ATP2B1: variants seen among roughly 807,000 people sequenced by gnomAD.
ATP2B1 encodes plasma membrane calcium-transporting ATPase 1.
A neutral mutation model predicts 124.2 loss-of-function variants in ATP2B1; 14 were observed. The ratio of observed to expected loss-of-function variants is 0.11; its 90% CI spans 0.07 to 0.18. The LOEUF (loss-of-function observed/expected upper bound fraction) is 0.18, where lower values mean the gene tolerates loss of function less well. Ranked by LOEUF, ATP2B1 falls within the 10% of genes least tolerant of loss-of-function variation. The pLI, the probability that ATP2B1 is intolerant of heterozygous loss-of-function variation, is 1.00. For synonymous variants in ATP2B1, 449 were observed against 492.4 expected (o/e 0.91, Z 1.17); for missense variants, 763 against 1,466.1 (o/e 0.52, Z 7.83).
rs1471591779 is a variant in ATP2B1, at chr12:89,624,318, T to C, written c.1209A>G (p.Pro403=). ...VIDTFWVQKR[P]WLAECTPIYI... is the part of the protein sequence containing the mutation. ...AAATTGGTGTGCACTCAGCAAGCCA[T>C]GGTCTTTTCTGAACCCAGAAGGTGT... The change falls in exon 9 of 21, where the codon CCA becomes CCG. Residue 403 remains proline (P), a synonymous_variant. Transcript: ENST00000428670. 1 of 1,614,066 alleles carries C rather than the reference T, an allele frequency of 6.2e-7. No individual in the cohort carries two copies.
At chr12:89,638,987 T>A (rs1052315326) in intron 3 of ATP2B1, among the ~76,000 whole-genome samples, 6 of 152,168 alleles carry the variant, frequency 3.9e-5, no homozygotes, top group African/African-American at 1.2e-4. Flanking sequence ...GACCAAAAAG[T>A]TTGAGAACTC....
At chr12:89,679,414 T>C (rs1434063744) in intron 1 of ATP2B1, among the ~76,000 whole-genome samples, 1 of 152,146 alleles carries the variant, frequency 6.6e-6, no homozygotes, top group Non-Finnish European at 1.5e-5. Flanking sequence ...CTTCATACCG[T>C]TGGAATCAGT....
intron 3 of ATP2B1, among the ~76,000 whole-genome samples, chr12:89,636,147 GA>G (rs932134444): frequency 2.8e-5 from 4 of 142,686 alleles, no homozygotes; most frequent in African/African-American, 5.2e-5. Context: ...AGCCATCTAA[GA>G]AAAAAAAAAT....
chr12:89,637,518 C>G (rs1015623060), intron 3 of ATP2B1, among the ~76,000 whole-genome samples: 2 of 151,928 alleles, frequency 1.3e-5, no homozygotes, highest in African/African-American at 2.4e-5. Context: ...CTACCTCAGC[C>G]TCCCAAGTAG....
intron 10 of ATP2B1, among the ~76,000 whole-genome samples, chr12:89,621,036 A>T (rs1879875758): frequency 6.6e-6 from 1 of 152,184 alleles, no homozygotes. Context: ...TTGTAAGTTG[A>T]AAATTTTTTA....
In ATP2B1 at chr12:89,603,199, A is replaced by G; in HGVS notation, c.2904T>C (p.Pro968=). Residue 968 remains proline, a synonymous_variant, in exon 18 of 21, where the codon CCT becomes CCC. Coordinates refer to ENST00000428670, the MANE Select transcript of ATP2B1 (RefSeq NM_001366521.1). This position sits in a 1 kb window ranked among gnomAD's most constrained non-coding sequence, Gnocchi z 4.3. ...SGRNAPLHAP[P]SEHYTIVFNT... ...TAAAAACAATAGTATAATGTTCTGAAGGAGGAGCATGCAAAGGAGCATTTC... is the reference window on the plus strand; with the variant it reads ...TAAAAACAATAGTATAATGTTCTGAGGGAGGAGCATGCAAAGGAGCATTTC... 1 of 1,613,300 alleles carries G rather than the reference A, an allele frequency of 6.2e-7. No homozygotes were observed. Among genetic ancestry groups the G allele is most frequent in the South Asian group, 1.1e-5 (1 of 91,010 alleles).
intron 18 of ATP2B1, among the ~76,000 whole-genome samples, chr12:89,601,685 A>G (rs1875878138): frequency 6.6e-6 from 1 of 152,172 alleles, no homozygotes; most frequent in South Asian, 2.1e-4. Flanking sequence ...TTTTTGATGC[A>G]TGCGTATTTC....
intron 1 of ATP2B1, among the ~76,000 whole-genome samples, chr12:89,692,515 G>C (rs1456906034): frequency 1.3e-5 from 2 of 152,106 alleles, no homozygotes; most frequent in Non-Finnish European, 1.5e-5. Context: ...CCCTGAACTG[G>C]AATCAGCAGA....
chr12:89,664,517 C>T (rs1887066847), intron 1 of ATP2B1, among the ~76,000 whole-genome samples: 1 of 152,178 alleles, frequency 6.6e-6, no homozygotes, highest in Non-Finnish European at 1.5e-5. Context: ...AAACCAAAAA[C>T]AATCCCTCTG....
At chr12:89,598,039 C>CAAAAAAAAAAAA (rs10661138) in intron 20 of ATP2B1, among the ~76,000 whole-genome samples, 28 of 60,516 alleles carry the variant, frequency 4.6e-4, no homozygotes, top group African/African-American at 1.1e-3. Flanking sequence ...CACAACCAAG[C>CAAAAAAAAAAAA]AAAAAAAAAA....
chr12:89,664,727 C>T (rs1161244608), intron 1 of ATP2B1, among the ~76,000 whole-genome samples: 3 of 152,192 alleles, frequency 2.0e-5, no homozygotes, highest in East Asian at 1.9e-4. Context: ...TCTGGAGAGC[C>T]ACTACTGACA....
At chr12:89,658,598 GGAGAGAGA>G (rs67298800) in intron 1 of ATP2B1, among the ~76,000 whole-genome samples, 1,061 of 69,584 alleles carry the variant, frequency 0.015, 4 homozygotes, top group African/African-American at 0.038. Flanking sequence ...AATTCAAACA[GGAGAGAGA>G]GAGAGAGAGA....
chr12:89,611,295 A>G lies in ATP2B1; in HGVS notation c.2145T>C (p.Ala715=). The G allele has an allele frequency of 6.2e-7, 1 of 1,611,494 alleles. No homozygotes were observed. The highest frequency in any genetic ancestry group is 8.5e-7 in the Non-Finnish European group (1 of 1,178,848). ...RMVTGDNINT[A]RAIATKCGIL... ...TACCACATTTGGTAGCAATGGCCCG[A>G]GCAGTATTAATATTATCACCAGTGA... Residue 715 remains alanine, a synonymous_variant, in exon 13 of 21, where the codon GCT becomes GCC. Coordinates refer to ENST00000428670, the MANE Select transcript of ATP2B1 (RefSeq NM_001366521.1).
chr12:89,668,743 C>G (rs1887587272), intron 1 of ATP2B1, among the ~76,000 whole-genome samples: 1 of 152,162 alleles, frequency 6.6e-6, no homozygotes, highest in African/African-American at 2.4e-5. Flanking sequence ...AGAGGAGGTA[C>G]TGATACTGAC....
Position 89,638,137 on chromosome 12 carries a change from C to T in ATP2B1, c.407-2886G>A, listed in dbSNP as rs1490947743. Among the ~76,000 whole-genome samples, 8 of 152,168 alleles carry T rather than the reference C, an allele frequency of 5.3e-5. 1 individual carries two copies. Among genetic ancestry groups the T allele is most frequent in the African/African-American group, 1.7e-4 (7 of 41,534 alleles). On this transcript the variant is annotated intron_variant, in intron 3 of 20. Transcript: ENST00000428670. ...AAAGTTACAAAATGACTACAGCTTACAGTTATATATATGTATAAATATATA... is the reference window on the plus strand; with the variant it reads ...AAAGTTACAAAATGACTACAGCTTATAGTTATATATATGTATAAATATATA...
At position 89,588,145 on chromosome 12, in the gene ATP2B1, G is replaced by A. The variant is rs979950088; in HGVS notation, c.*2839C>T. ...AAAAGGCTCAGTGGCTAAAATAGAT[G>A]GTAAGCATCATTGAAAGAAATCAAC... On this transcript the variant is annotated 3_prime_UTR_variant, in exon 21 of 21. Transcript: ENST00000428670. The A allele has an allele frequency of 6.6e-6, 1 of 152,548 alleles. No homozygotes were observed. The highest frequency in any genetic ancestry group is 1.5e-5 in the Non-Finnish European group (1 of 68,000). The allele number at this position is 152,548 out of a possible 1,614,324, so 9.4% of individuals were successfully genotyped here.
intron 1 of ATP2B1, among the ~76,000 whole-genome samples, chr12:89,672,327 G>C (rs900624095): frequency 6.6e-6 from 1 of 151,936 alleles, no homozygotes; most frequent in Non-Finnish European, 1.5e-5. Flanking sequence ...AGTGGCGGGT[G>C]CCTGTAATCC....
At chr12:89,689,723 T>C (rs950435465) in intron 1 of ATP2B1, among the ~76,000 whole-genome samples, 6 of 152,140 alleles carry the variant, frequency 3.9e-5, no homozygotes, top group East Asian at 3.8e-4. Flanking sequence ...TAAACATACA[T>C]ATTAGAAACT....
At chr12:89,695,458 G>A (rs1329204071) in intron 1 of ATP2B1, among the ~76,000 whole-genome samples, 1 of 151,598 alleles carries the variant, frequency 6.6e-6, no homozygotes, top group Non-Finnish European at 1.5e-5. Context: ...TTTTCTACTT[G>A]AAATGAGAAT....
Sources: gnomAD v4.1 joint callset for allele counts (sites outside exome capture counted in the v4.1 genomes callset) on GRCh38, gnomAD v4.1.1 for gene constraint, Gnocchi (gnomAD v3.1) non-coding constraint, MANE v1.5 for transcripts, NCBI Gene and HGNC (gene_info 2026-07-23, HGNC 2026-07-21) for gene names.